The following ATP8B1 variants were observed in gnomAD, a reference collection of about 807,000 sequenced individuals.
ATP8B1 encodes the protein phospholipid-transporting ATPase IC.
In ATP8B1, 80 loss-of-function variants were observed where a neutral mutation model predicts 149.9. The ratio of observed to expected loss-of-function variants is 0.53; its 90% CI spans 0.45 to 0.64. The LOEUF is 0.64. ATP8B1 is among the 30% of genes least tolerant of loss of function. The probability of loss-of-function intolerance (pLI) is 0.00; values close to 1 mark genes in which losing one functional copy is unlikely to be tolerated. For missense variants in ATP8B1, 1,247 were observed against 1,552.6 expected, an observed-to-expected ratio of 0.80 and a Z score of 3.31; for synonymous variants, 536 against 562.8, an observed-to-expected ratio of 0.95 and a Z score of 0.67.
At chr18:57,763,841 C>G (rs1451979718) in intron 1 of ATP8B1, among the ~76,000 whole-genome samples, 1 of 152,132 alleles carries the variant, frequency 6.6e-6, no homozygotes, top group Non-Finnish European at 1.5e-5. Flanking sequence ...TTTTGCTTAG[C>G]TGGGTAGTTT....
At chr18:57,748,335 C>A (rs1052322561) in intron 1 of ATP8B1, among the ~76,000 whole-genome samples, 2 of 152,188 alleles carry the variant, frequency 1.3e-5, no homozygotes. Context: ...AGAATAAAAT[C>A]CCTTGGAGAC....
At chr18:57,665,496 C>T (rs1439440728) in intron 20 of ATP8B1, among the ~76,000 whole-genome samples, 1 of 152,028 alleles carries the variant, frequency 6.6e-6, no homozygotes, top group Admixed American at 6.5e-5. Flanking sequence ...AATCAGATTA[C>T]TTGAAGCCCA....
Position 57,648,443 on chromosome 18 carries a change from A to C in ATP8B1, c.*45T>G. The C allele has an allele frequency of 2.5e-6, 4 of 1,599,860 alleles. No individual in the cohort carries two copies. Among genetic ancestry groups the C allele is most frequent in the Non-Finnish European group, 3.4e-6 (4 of 1,170,136 alleles). ...AAAGTCCTGAGAGTCTTTCATAAAA[A>C]AATAGACGTGCTTTGTGGCCGCATC... On this transcript the variant is annotated 3_prime_UTR_variant, in exon 28 of 28. Coordinates refer to ENST00000648908, the MANE Select transcript of ATP8B1 (RefSeq NM_001374385.1).
chr18:57,719,925 T>A (rs868709587), intron 2 of ATP8B1, among the ~76,000 whole-genome samples: 9 of 152,306 alleles, frequency 5.9e-5, no homozygotes, highest in African/African-American at 2.2e-4. Flanking sequence ...CCTCTTCAAG[T>A]GGGTCCCTGA....
At chr18:57,728,638 G>A (rs1328680187) in intron 2 of ATP8B1, among the ~76,000 whole-genome samples, 1 of 151,920 alleles carries the variant, frequency 6.6e-6, no homozygotes, top group Non-Finnish European at 1.5e-5. Flanking sequence ...CATTTGATAT[G>A]GGTTTTGAGA....
intron 1 of ATP8B1, among the ~76,000 whole-genome samples, chr18:57,781,649 C>T (rs763718005): frequency 2.8e-4 from 43 of 152,194 alleles, no homozygotes; most frequent in Non-Finnish European, 2.9e-5. Flanking sequence ...CTCACTATAA[C>T]TTAAATCCTA....
chr18:57,704,849 C>T (rs1031373197), intron 3 of ATP8B1, among the ~76,000 whole-genome samples, 181 bp from the exon 4 acceptor site: 5 of 152,198 alleles, frequency 3.3e-5, no homozygotes, highest in Admixed American at 6.5e-5. Flanking sequence ...TTTGGGAGAC[C>T]GAGGTGGGTG....
intron 1 of ATP8B1, among the ~76,000 whole-genome samples, chr18:57,787,525 C>T (rs2080421794): frequency 6.6e-6 from 1 of 152,056 alleles, no homozygotes; most frequent in South Asian, 2.1e-4. Flanking sequence ...GGAGCTCCAT[C>T]TAGGACACTG....
chr18:57,691,191 A>G (rs1912509594), intron 12 of ATP8B1, among the ~76,000 whole-genome samples: 1 of 152,040 alleles, frequency 6.6e-6, no homozygotes, highest in African/African-American at 2.4e-5. Flanking sequence ...AAAAAAAAAA[A>G]AAAGTAAAAG....
In ATP8B1 at chr18:57,777,807, C is replaced by T. The variant is rs576676010; in HGVS notation, c.-26+25191G>A. Among the ~76,000 whole-genome samples the T allele has an allele frequency of 9.2e-5, 14 of 152,264 alleles. No individual in the cohort carries two copies. In the East Asian group the frequency reaches 2.7e-3, roughly 29 times the overall value. ...CTGGTTTCGAACTTCTGGGCTCAAG[C>T]GATCCTCCTACCTTGGCTTCCCAAA... On this transcript the variant is annotated intron_variant, in intron 1 of 27. Transcript: ENST00000648908.
At chr18:57,719,960 T>G (rs1423798895) in intron 2 of ATP8B1, among the ~76,000 whole-genome samples, 1 of 152,054 alleles carries the variant, frequency 6.6e-6, no homozygotes, top group Non-Finnish European at 1.5e-5. Flanking sequence ...GCAGCCTAAC[T>G]GGGAGGCACC....
At chr18:57,682,412 G>C (rs2122807240) in intron 15 of ATP8B1, among the ~76,000 whole-genome samples, 1 of 152,220 alleles carries the variant, frequency 6.6e-6, no homozygotes, top group Middle Eastern at 3.4e-3. Flanking sequence ...TGTAGTCCAG[G>C]GCTCTTCCCA....
In ATP8B1 at chr18:57,802,225, C is replaced by T. The variant is rs760609276; in HGVS notation, c.-26+773G>A. ...CACTGGGCCATTCTCTGCAACATCT[C>T]CCCGCGCCCCCCAACAAGTTGCCCC... On this transcript the variant is annotated intron_variant, in intron 1 of 27. Transcript: ENST00000648908. The surrounding 1 kb of genome is among the most constrained non-coding windows in gnomAD (Gnocchi z 4.9). Among the ~76,000 whole-genome samples, 78 of 152,278 alleles carry T rather than the reference C, an allele frequency of 5.1e-4. 1 individual carries two copies. Among genetic ancestry groups the T allele is most frequent in the Middle Eastern group, 6.8e-3 (2 of 294 alleles).
chr18:57,713,856 G>A (rs75619202), intron 2 of ATP8B1, among the ~76,000 whole-genome samples: 1 of 147,290 alleles, frequency 6.8e-6, no homozygotes, highest in Non-Finnish European at 1.5e-5. Flanking sequence ...CTAACTCCTG[G>A]CCTCAAGTGA....
chr18:57,675,078 A>C, intron 15 of ATP8B1, 56 bp from the exon 16 acceptor site: 819 of 1,565,708 alleles, frequency 5.2e-4, no homozygotes, highest in Non-Finnish European at 6.6e-4. Flanking sequence ...TGCAGAGCTC[A>C]TTGTTGAGGC....
chr18:57,661,071 C>T, intron 22 of ATP8B1, 103 bp downstream of exon 22: 1 of 1,446,752 alleles, frequency 6.9e-7, no homozygotes, highest in Non-Finnish European at 9.4e-7. Context: ...CTATGAAAAC[C>T]TAAGCTGTAA....
At position 57,784,735 on chromosome 18, in the gene ATP8B1, A is replaced by T. The variant is rs2080390732; in HGVS notation, c.-26+18263T>A. On this transcript the variant is annotated intron_variant, in intron 1 of 27. Transcript: ENST00000648908. The surrounding 1 kb of genome is among the most constrained non-coding windows in gnomAD (Gnocchi z 4.4). ...AAGTCCTGCGAAACCGTAGCATTTT[A>T]AGAGGACTCCTACCCGTGGTTTAGG... is the stretch of plus-strand genomic sequence containing the variant. 6.6e-6 allele frequency among the ~76,000 whole-genome samples: 1 copy of T among 152,152 alleles called. No homozygotes were observed. Among genetic ancestry groups the T allele is most frequent in the Non-Finnish European group, 1.5e-5 (1 of 68,020 alleles).
intron 1 of ATP8B1, among the ~76,000 whole-genome samples, chr18:57,791,664 G>C (rs766968885): frequency 3.9e-5 from 6 of 152,024 alleles, no homozygotes; most frequent in Non-Finnish European, 8.8e-5. Flanking sequence ...TCCTTCGTAA[G>C]GCTGAGAAAC....
intron 1 of ATP8B1, among the ~76,000 whole-genome samples, chr18:57,735,924 C>T (rs956689441): frequency 2.6e-5 from 4 of 152,038 alleles, no homozygotes; most frequent in Non-Finnish European, 5.9e-5. Context: ...GGTTTTAAGC[C>T]CTGCATGCAT....
Sources: allele counts gnomAD v4.1 joint callset (sites outside exome capture counted in the v4.1 genomes callset), GRCh38; gene constraint gnomAD v4.1.1; non-coding constraint Gnocchi (gnomAD v3.1); transcripts MANE v1.5; gene names NCBI Gene and HGNC (gene_info 2026-07-23, HGNC 2026-07-21).